SLC4A5: variants seen among roughly 807,000 people sequenced by gnomAD.
The protein encoded by SLC4A5 is electrogenic sodium bicarbonate cotransporter 4.
Under a neutral mutation model 120.4 loss-of-function variants are expected in SLC4A5, and 96 were observed. That is an observed-to-expected ratio of 0.80 (90% CI 0.68 to 0.94). The LOEUF is 0.94. SLC4A5 is among the 40% of genes least tolerant of loss of function. SLC4A5 has a pLI of 0.00. For synonymous variants in SLC4A5, 550 were observed against 571.1 expected, an observed-to-expected ratio of 0.96 and a Z score of 0.53; for missense variants, 1,259 against 1,459.5, an observed-to-expected ratio of 0.86 and a Z score of 2.24.
At chr2:74,237,079 C>T (rs1226500680) in intron 21 of SLC4A5, among the ~76,000 whole-genome samples, 3 of 151,318 alleles carry the variant, frequency 2.0e-5, no homozygotes, top group Non-Finnish European at 4.4e-5. Context: ...CGGGTTCATG[C>T]CATTCTCCTG....
rs373005783 is a variant in SLC4A5 at position 74,331,352 on chromosome 2, G to C, written c.-70+2675C>G. 6.6e-5 allele frequency among the ~76,000 whole-genome samples: 10 copies of C among 151,930 alleles called. No individual in the cohort carries two copies. In the East Asian group the frequency reaches 1.4e-3, roughly 21 times the overall value. The stretch of plus-strand genomic sequence containing the variant: ...AGGTGGTGAGGTATAGGTGAGGGTA[G>C]TGAGGTGTAGATGGTAGTGGTGAGG... On this transcript the variant is annotated intron_variant, in intron 4 of 30. Transcript: ENST00000394019.
chr2:74,340,666 T>C (rs1329531973), intron 2 of SLC4A5, among the ~76,000 whole-genome samples: 1 of 152,170 alleles, frequency 6.6e-6, no homozygotes, highest in Non-Finnish European at 1.5e-5. Context: ...AGAATCACCA[T>C]GTTCCACTGG....
chr2:74,227,572 A>T (rs1479874480), intron 26 of SLC4A5: 3 of 1,604,886 alleles, frequency 1.9e-6, no homozygotes, highest in African/African-American at 2.7e-5. Context: ...CATCTGTAAA[A>T]TGGGGATCAG....
intron 30 of SLC4A5, among the ~76,000 whole-genome samples, chr2:74,219,249 G>T (rs1694546801): frequency 6.6e-6 from 1 of 150,732 alleles, no homozygotes; most frequent in South Asian, 2.1e-4. Context: ...GGTACTTCGG[G>T]CCTGTGTCCA....
chr2:74,324,405 T>C (rs1673170399), intron 5 of SLC4A5, among the ~76,000 whole-genome samples: 4 of 152,046 alleles, frequency 2.6e-5, no homozygotes, highest in Non-Finnish European at 4.4e-5. Flanking sequence ...GGATTACACG[T>C]GTGAGCAGCT....
At position 74,255,339 on chromosome 2, in the gene SLC4A5, C is replaced by T. The variant is rs1251877359; in HGVS notation, c.1025+436G>A. ...ACGCAGTCTTGCTCTGTTGCCCAGG[C>T]TGGGGTGCAATAGCATGATCTCGGC... On this transcript the variant is annotated intron_variant, in intron 13 of 30. Transcript: ENST00000394019. This position sits in a 1 kb window ranked among gnomAD's most constrained non-coding sequence, Gnocchi z 4.0. Among the ~76,000 whole-genome samples, 1 of 152,048 alleles carries T rather than the reference C, an allele frequency of 6.6e-6. No homozygotes were observed. Among genetic ancestry groups the T allele is most frequent in the Non-Finnish European group, 1.5e-5 (1 of 68,008 alleles).
At chr2:74,265,021 C>T in intron 9 of SLC4A5, 83 bp downstream of exon 9, 2 of 1,474,404 alleles carry the variant, frequency 1.4e-6, no homozygotes, top group South Asian at 1.3e-5. Flanking sequence ...GTCACACAGA[C>T]TTGAGGGCAG....
At chr2:74,338,241 C>T (rs1172781620) in intron 3 of SLC4A5, among the ~76,000 whole-genome samples, 1 of 152,160 alleles carries the variant, frequency 6.6e-6, no homozygotes, top group Non-Finnish European at 1.5e-5. Flanking sequence ...GGGACAGGAA[C>T]TGGGCACTGG....
At chr2:74,240,997 G>C in intron 20 of SLC4A5, among the ~76,000 whole-genome samples, 1 of 151,998 alleles carries the variant, frequency 6.6e-6, no homozygotes. Flanking sequence ...GAAGACCACT[G>C]TCATTACTGG....
chr2:74,309,383 C>T (rs1377313745), intron 6 of SLC4A5, among the ~76,000 whole-genome samples: 1 of 152,118 alleles, frequency 6.6e-6, no homozygotes, highest in African/African-American at 2.4e-5. Flanking sequence ...TTCCACTGAT[C>T]AATTTGTCTG....
At chr2:74,317,808 G>C (rs1470882952) in intron 5 of SLC4A5, among the ~76,000 whole-genome samples, 1 of 152,250 alleles carries the variant, frequency 6.6e-6, no homozygotes, top group African/African-American at 2.4e-5. Context: ...GGGGACCTCT[G>C]ACAAAATGGC....
At chr2:74,285,940 T>C in intron 7 of SLC4A5, 38 bp from the exon 8 acceptor site, 2 of 1,540,058 alleles carry the variant, frequency 1.3e-6, no homozygotes, top group South Asian at 1.2e-5. Flanking sequence ...GAGTGTCCCA[T>C]GGAAGGCAGG....
At chr2:74,304,414 C>A in intron 7 of SLC4A5, 75 bp downstream of exon 7, 2 of 1,415,056 alleles carry the variant, frequency 1.4e-6, no homozygotes, top group Non-Finnish European at 9.5e-7. Flanking sequence ...CCAGAAAATC[C>A]CCCCTGCCCT....
chr2:74,330,407 T>C (rs1573110937), intron 4 of SLC4A5, among the ~76,000 whole-genome samples: 1 of 142,744 alleles, frequency 7.0e-6, no homozygotes, highest in Non-Finnish European at 1.5e-5. Context: ...GGTGGTGAGG[T>C]GTAGATGGTG....
chr2:74,290,631 G>GAGAC (rs1672133856), intron 7 of SLC4A5: 1 of 980,740 alleles, frequency 1.0e-6, no homozygotes, highest in African/African-American at 1.8e-5. Context: ...GTGAGAGAGA[G>GAGAC]AGAGAGAGAG....
At chr2:74,284,629 C>T (rs937203317) in intron 8 of SLC4A5, among the ~76,000 whole-genome samples, 11 of 152,194 alleles carry the variant, frequency 7.2e-5, no homozygotes, top group South Asian at 4.2e-4. Flanking sequence ...AGGTCCCTCC[C>T]GCTGCCTCTT....
intron 3 of SLC4A5, among the ~76,000 whole-genome samples, chr2:74,337,355 G>A (rs577247680): frequency 6.6e-6 from 1 of 152,260 alleles, no homozygotes; most frequent in East Asian, 1.9e-4. Flanking sequence ...TAGATGACAT[G>A]AAGGGCAGGA....
chr2:74,276,995 G>A (rs1050304501), intron 8 of SLC4A5, among the ~76,000 whole-genome samples: 6 of 152,142 alleles, frequency 3.9e-5, no homozygotes, highest in African/African-American at 1.2e-4. Flanking sequence ...AAGAGGACAG[G>A]CCAGCTTCCC....
chr2:74,223,007 CTTT>C (rs1238005058), intron 28 of SLC4A5, 55 bp from the exon 29 acceptor site: 2,254 of 911,134 alleles, frequency 2.5e-3, no homozygotes, highest in East Asian at 3.4e-3. Flanking sequence ...ATTTGGCTTT[CTTT>C]TTTTTTTTTT....
Sources: allele counts gnomAD v4.1 joint callset (sites outside exome capture counted in the v4.1 genomes callset), GRCh38; gene constraint gnomAD v4.1.1; non-coding constraint Gnocchi (gnomAD v3.1); transcripts MANE v1.5; gene names NCBI Gene and HGNC (gene_info 2026-07-23, HGNC 2026-07-21).